NELL1: variants seen among roughly 807,000 people sequenced by gnomAD.
The protein encoded by NELL1 is neural EGFL like 1, also known as protein kinase C-binding protein NELL1.
In NELL1, 76 loss-of-function variants were observed where a neutral mutation model predicts 107.4. That is an observed-to-expected ratio of 0.71 (90% CI 0.59 to 0.86). The LOEUF (loss-of-function observed/expected upper bound fraction) is 0.86. Ranked by LOEUF, NELL1 falls within the 40% of genes least tolerant of loss-of-function variation. The pLI, the probability that NELL1 is intolerant of heterozygous loss-of-function variation, is 0.00. For missense variants in NELL1, 1,024 were observed against 1,005.5 expected, an observed-to-expected ratio of 1.02 and a Z score of -0.25; for synonymous variants, 353 against 341.2, an observed-to-expected ratio of 1.03 and a Z score of -0.38.
chr11:20,915,717 A>ATTTTTTTTTTTTTT (rs67447563), intron 5 of NELL1, among the ~76,000 whole-genome samples: 1 of 58,224 alleles, frequency 1.7e-5, no homozygotes, highest in African/African-American at 8.8e-5. Context: ...ATATATATAT[A>ATTTTTTTTTTTTTT]TTTTTTTTTT....
At chr11:20,763,616 CAT>C (rs1856469014) in intron 2 of NELL1, among the ~76,000 whole-genome samples, 2 of 152,194 alleles carry the variant, frequency 1.3e-5, no homozygotes, top group African/African-American at 4.8e-5. Context: ...TATCATGACA[CAT>C]AAGGAAAATG....
chr11:21,430,755 A>G (rs1457198294), intron 15 of NELL1, among the ~76,000 whole-genome samples: 2 of 152,164 alleles, frequency 1.3e-5, no homozygotes. Flanking sequence ...GATCTGTAGC[A>G]TAATGCAACA....
chr11:21,298,142 A>T (rs1004937883), intron 14 of NELL1, among the ~76,000 whole-genome samples: 3 of 151,974 alleles, frequency 2.0e-5, no homozygotes, highest in Non-Finnish European at 2.9e-5. Context: ...TTTTTCTATG[A>T]AATGTTTTTG....
chr11:21,044,889 C>T (rs1158762594), intron 12 of NELL1, among the ~76,000 whole-genome samples: 1 of 151,964 alleles, frequency 6.6e-6, no homozygotes, highest in Non-Finnish European at 1.5e-5. Flanking sequence ...GGAAGAGGGG[C>T]TAAAAGGAAT....
At chr11:21,073,850 A>G (rs1854072514) in intron 12 of NELL1, among the ~76,000 whole-genome samples, 1 of 152,212 alleles carries the variant, frequency 6.6e-6, no homozygotes, top group Non-Finnish European at 1.5e-5. Context: ...GAAAATGAAT[A>G]AATTTTTCAA....
chr11:20,966,047 T>A (rs1443938981), intron 12 of NELL1, among the ~76,000 whole-genome samples: 1 of 152,190 alleles, frequency 6.6e-6, no homozygotes, highest in Non-Finnish European at 1.5e-5. Flanking sequence ...TAGCCCAGTT[T>A]CTTCTCAAGT....
intron 4 of NELL1, among the ~76,000 whole-genome samples, chr11:20,859,936 T>G (rs1848949666): frequency 6.6e-6 from 1 of 152,198 alleles, no homozygotes; most frequent in African/African-American, 2.4e-5. Flanking sequence ...CAACACACAA[T>G]TACGCTTGTT....
chr11:21,082,481 C>T (rs1854292102), intron 12 of NELL1, among the ~76,000 whole-genome samples: 1 of 152,118 alleles, frequency 6.6e-6, no homozygotes, highest in Non-Finnish European at 1.5e-5. Context: ...TGACGATCTG[C>T]ATAAAAACAA....
At chr11:20,731,312 C>T (rs1440155335) in intron 2 of NELL1, among the ~76,000 whole-genome samples, 1 of 152,200 alleles carries the variant, frequency 6.6e-6, no homozygotes. Context: ...TTCTGTTGCA[C>T]AAATTAAGAC....
chr11:21,364,410 CAAAAAAAAA>C (rs71034511), intron 14 of NELL1, among the ~76,000 whole-genome samples: 1 of 75,636 alleles, frequency 1.3e-5, no homozygotes, highest in East Asian at 5.0e-4. Flanking sequence ...GACTCTGTCT[CAAAAAAAAA>C]AAAAAAAAAA....
intron 15 of NELL1, among the ~76,000 whole-genome samples, chr11:21,529,395 A>G (rs78424412): frequency 0.022 from 3,320 of 152,304 alleles, 118 homozygotes; most frequent in African/African-American, 0.075. Flanking sequence ...GAAACAAGAG[A>G]TAGAAGAACT....
chr11:21,170,837 A>G lies in NELL1; in HGVS notation c.1426+57123A>G, dbSNP rs1238445269. Among the ~76,000 whole-genome samples the G allele has an allele frequency of 1.3e-5, 2 of 151,640 alleles. 1 individual carries two copies. Among genetic ancestry groups the G allele is most frequent in the African/African-American group, 4.9e-5 (2 of 41,072 alleles). On this transcript the variant is annotated intron_variant, in intron 13 of 19. Coordinates refer to ENST00000357134, the MANE Select transcript of NELL1 (RefSeq NM_006157.5). Reference sequence around the variant, plus strand: ...CTTGACTCCATTTTCTTGGCTTGCTATAATCCTTCTTGATTTATGTTCTAT... The same window carrying G: ...CTTGACTCCATTTTCTTGGCTTGCTGTAATCCTTCTTGATTTATGTTCTAT...
chr11:20,992,891 T>C (rs1280966494), intron 12 of NELL1, among the ~76,000 whole-genome samples: 1 of 151,954 alleles, frequency 6.6e-6, no homozygotes, highest in Admixed American at 6.6e-5. Flanking sequence ...ATTTTGTATT[T>C]TTAAGTAGAG....
At chr11:21,368,333 G>A (rs945308533) in intron 14 of NELL1, among the ~76,000 whole-genome samples, 2 of 148,274 alleles carry the variant, frequency 1.3e-5, no homozygotes, top group Non-Finnish European at 3.0e-5. Context: ...CCTTTAATGC[G>A]ACATGTGCAA....
At chr11:21,086,276 C>T (rs906001960) in intron 12 of NELL1, among the ~76,000 whole-genome samples, 7 of 151,520 alleles carry the variant, frequency 4.6e-5, no homozygotes, top group Non-Finnish European at 4.4e-5. Context: ...CTTTTTTTTT[C>T]AGCCTCTTGA....
intron 15 of NELL1, among the ~76,000 whole-genome samples, chr11:21,494,271 A>G (rs1854916329): frequency 6.6e-6 from 1 of 152,016 alleles, no homozygotes; most frequent in African/African-American, 2.4e-5. Flanking sequence ...TATTCTTTCA[A>G]AAGAGCACTT....
At chr11:21,084,980 C>T (rs932050435) in intron 12 of NELL1, among the ~76,000 whole-genome samples, 3 of 152,088 alleles carry the variant, frequency 2.0e-5, no homozygotes, top group Admixed American at 6.6e-5. Flanking sequence ...TATGTAGTTT[C>T]CTCAGTTATA....
intron 2 of NELL1, among the ~76,000 whole-genome samples, chr11:20,782,051 AAAT>A (rs1564906808): frequency 1.3e-5 from 2 of 151,562 alleles, no homozygotes. Context: ...AAAAAAAAAA[AAAT>A]AATAATGATA....
chr11:21,533,112 A>G (rs1320265511), intron 15 of NELL1, among the ~76,000 whole-genome samples: 1 of 152,208 alleles, frequency 6.6e-6, no homozygotes, highest in Non-Finnish European at 1.5e-5. Flanking sequence ...GGGCTGAACA[A>G]TACATGCTAC....
Sources: allele counts gnomAD v4.1 joint callset (sites outside exome capture counted in the v4.1 genomes callset), GRCh38; gene constraint gnomAD v4.1.1; transcripts MANE v1.5; gene names NCBI Gene and HGNC (gene_info 2026-07-23, HGNC 2026-07-21).